ERBB4: variants seen among roughly 807,000 people sequenced by gnomAD.
The protein encoded by ERBB4 is receptor tyrosine-protein kinase erbB-4.
ERBB4 carries 42 observed loss-of-function variants against 158.0 expected under a neutral mutation model. The observed-to-expected ratio is 0.27, with a 90% CI of 0.21 to 0.34. ERBB4 has a LOEUF of 0.34. Ranked by LOEUF, ERBB4 falls within the 10% of genes least tolerant of loss-of-function variation. The pLI is 1.00. For synonymous variants in ERBB4, 583 were observed against 558.7 expected (o/e 1.04, Z -0.61); for missense variants, 1,333 against 1,624.1 (o/e 0.82, Z 3.08).
At chr2:211,497,307 T>C (rs987172973) in intron 20 of ERBB4, among the ~76,000 whole-genome samples, 1 of 152,096 alleles carries the variant, frequency 6.6e-6, no homozygotes, top group Non-Finnish European at 1.5e-5. Context: ...GATGAGCATA[T>C]AATAGTGGCA....
Position 212,506,316 on chromosome 2 carries a change from T to C in ERBB4, c.82+32133A>G, listed in dbSNP as rs1268595971. 4.7e-5 allele frequency among the ~76,000 whole-genome samples: 7 copies of C among 148,444 alleles called. 1 individual carries two copies. The highest frequency in any genetic ancestry group is 7.3e-5 in the African/African-American group (3 of 41,152). ...TATAAATTAGGCCAATTAATAACCA[T>C]ACAATGGTCTTTAAGTGTTCAAGTA... On this transcript the variant is annotated intron_variant, in intron 1 of 27. Coordinates refer to ENST00000342788, the MANE Select transcript of ERBB4 (RefSeq NM_005235.3).
rs896866346 is a variant in ERBB4, at chr2:211,980,224, G to A, written c.235-32608C>T. On this transcript the variant is annotated intron_variant, in intron 2 of 27. Transcript: ENST00000342788. ...CTGATCAATGGAATTAGTACAAAGTGGAGTATTAAGAAATACACTTGTGCA... is the reference window on the plus strand; with the variant it reads ...CTGATCAATGGAATTAGTACAAAGTAGAGTATTAAGAAATACACTTGTGCA... 3.1e-4 allele frequency among the ~76,000 whole-genome samples: 47 copies of A among 152,094 alleles called. 1 individual carries two copies. Among genetic ancestry groups the A allele is most frequent in the Admixed American group, 1.8e-3 (28 of 15,264 alleles).
intron 1 of ERBB4, among the ~76,000 whole-genome samples, chr2:212,267,357 G>A (rs1315933532): frequency 6.6e-6 from 1 of 151,748 alleles, no homozygotes; most frequent in Non-Finnish European, 1.5e-5. Flanking sequence ...ATAGTGATTG[G>A]AGGCTCATAG....
chr2:211,823,093 G>A (rs2077028742), intron 3 of ERBB4, among the ~76,000 whole-genome samples: 1 of 151,904 alleles, frequency 6.6e-6, no homozygotes, highest in African/African-American at 2.4e-5. Context: ...CTTGTGCTTG[G>A]AGCAGAGCTT....
chr2:212,206,438 A>T lies in ERBB4; in HGVS notation c.83-81535T>A, dbSNP rs149063965. ...GGTTACTATTGCATGGGATTAAATG[A>T]TGTAATGCATGTATTTCACGGTGAG... On this transcript the variant is annotated intron_variant, in intron 1 of 27. Coordinates refer to ENST00000342788, the MANE Select transcript of ERBB4 (RefSeq NM_005235.3). Among the ~76,000 whole-genome samples, 142 of 152,216 alleles carry T rather than the reference A, an allele frequency of 9.3e-4. 1 individual carries two copies. In the East Asian group the frequency reaches 0.025, roughly 27 times the overall value.
At chr2:211,795,309 C>T (rs2076360693) in intron 3 of ERBB4, among the ~76,000 whole-genome samples, 1 of 151,606 alleles carries the variant, frequency 6.6e-6, no homozygotes, top group African/African-American at 2.4e-5. Flanking sequence ...GCCTTGTCCA[C>T]CTTTATGAAG....
intron 1 of ERBB4, among the ~76,000 whole-genome samples, chr2:212,204,111 T>A (rs926152182): frequency 6.6e-6 from 1 of 152,214 alleles, no homozygotes; most frequent in African/African-American, 2.4e-5. Flanking sequence ...ATTACTCAGA[T>A]CTATTTTTTC....
chr2:212,191,562 TATA>T (rs2082203254), intron 1 of ERBB4, among the ~76,000 whole-genome samples: 1 of 28,892 alleles, frequency 3.5e-5, no homozygotes, highest in Non-Finnish European at 9.7e-5. Context: ...GCCTGTTATA[TATA>T]ACACATGTGT....
intron 2 of ERBB4, among the ~76,000 whole-genome samples, chr2:212,028,138 C>A (rs1009176104): frequency 1.3e-5 from 2 of 151,836 alleles, no homozygotes; most frequent in East Asian, 1.9e-4. Context: ...GATTTTTTTT[C>A]AGGCTTCAAG....
chr2:211,882,153 T>C (rs1372929548), intron 3 of ERBB4, among the ~76,000 whole-genome samples: 1 of 152,186 alleles, frequency 6.6e-6, no homozygotes, highest in East Asian at 1.9e-4. Flanking sequence ...TAGCTTACAA[T>C]CCTGATTCAG....
chr2:211,599,714 A>G (rs1276974692), intron 19 of ERBB4, among the ~76,000 whole-genome samples: 1 of 152,186 alleles, frequency 6.6e-6, no homozygotes, highest in Non-Finnish European at 1.5e-5. Flanking sequence ...TACTACTGCC[A>G]AGCTCTATCC....
chr2:211,884,377 T>G (rs990413799), intron 3 of ERBB4, among the ~76,000 whole-genome samples: 1 of 152,174 alleles, frequency 6.6e-6, no homozygotes, highest in African/African-American at 2.4e-5. Flanking sequence ...CTACCAAACT[T>G]TCCTGAAACC....
intron 2 of ERBB4, among the ~76,000 whole-genome samples, chr2:211,975,185 T>C (rs1385293351): frequency 6.6e-6 from 1 of 152,162 alleles, no homozygotes; most frequent in Non-Finnish European, 1.5e-5. Flanking sequence ...TTTTGCCTTG[T>C]TGCTCAAGAC....
chr2:212,455,686 T>G (rs941656712), intron 1 of ERBB4, among the ~76,000 whole-genome samples: 2 of 152,272 alleles, frequency 1.3e-5, no homozygotes, highest in East Asian at 1.9e-4. Flanking sequence ...AAACCTCAGA[T>G]GCAAACTATT....
At position 212,127,221 on chromosome 2, in the gene ERBB4, A is replaced by G. The variant is rs187215247; in HGVS notation, c.83-2318T>C. On this transcript the variant is annotated intron_variant, in intron 1 of 27. Coordinates refer to ENST00000342788, the MANE Select transcript of ERBB4 (RefSeq NM_005235.3). The stretch of plus-strand genomic sequence containing the variant: ...AATGATAATAAGACAAACTTGTTCA[A>G]CCTGAAGCTATCAGGCCACATGTAG... Among the ~76,000 whole-genome samples, 42 of 152,342 alleles carry G rather than the reference A, an allele frequency of 2.8e-4. No homozygotes were observed. In the East Asian group the frequency reaches 7.0e-3, roughly 25 times the overall value.
intron 1 of ERBB4, among the ~76,000 whole-genome samples, chr2:212,158,617 T>C (rs1304298852): frequency 1.3e-5 from 2 of 152,020 alleles, no homozygotes; most frequent in Non-Finnish European, 1.5e-5. Context: ...CTTTATTAAG[T>C]AATCATGTCT....
At chr2:212,487,786 A>C (rs527650963) in intron 1 of ERBB4, among the ~76,000 whole-genome samples, 23 of 152,142 alleles carry the variant, frequency 1.5e-4, no homozygotes, top group Non-Finnish European at 3.1e-4. Flanking sequence ...AGCTTAGCCT[A>C]CCTTATTCTC....
intron 4 of ERBB4, among the ~76,000 whole-genome samples, chr2:211,772,856 T>TACACAC (rs2075739314): frequency 1.5e-5 from 1 of 67,178 alleles, no homozygotes; most frequent in East Asian, 2.9e-4. Context: ...TATATATATA[T>TACACAC]ATATATATAT....
intron 3 of ERBB4, among the ~76,000 whole-genome samples, chr2:211,794,143 TTGAA>T (rs1187219520): frequency 6.6e-6 from 1 of 151,972 alleles, no homozygotes; most frequent in Non-Finnish European, 1.5e-5. Flanking sequence ...TTGATTTCAA[TTGAA>T]TGAAGCTCAG....
Sources: gnomAD v4.1 joint callset for allele counts (sites outside exome capture counted in the v4.1 genomes callset) on GRCh38, gnomAD v4.1.1 for gene constraint, MANE v1.5 for transcripts, NCBI Gene and HGNC (gene_info 2026-07-23, HGNC 2026-07-21) for gene names.